Variants in MZF1 observed in about 807,000 individuals in gnomAD.
The protein encoded by MZF1 is zinc finger and SCAN domain-containing protein 6.
A neutral mutation model predicts 28.6 loss-of-function variants in MZF1; 24 were observed. The ratio of observed to expected loss-of-function variants is 0.84; its 90% CI spans 0.61 to 1.18. The LOEUF is 1.18. Ranked by LOEUF, MZF1 falls within the 50% of genes most tolerant of loss-of-function variation. The pLI is 0.00. For synonymous variants in MZF1, 516 were observed against 432.5 expected, an observed-to-expected ratio of 1.19 and a Z score of -2.40; for missense variants, 1,166 against 1,026.4, an observed-to-expected ratio of 1.14 and a Z score of -1.86.
rs762595599 is a variant in MZF1, at chr19:58,566,815, A to T, written c.772+2462T>A. Among the ~76,000 whole-genome samples the T allele has an allele frequency of 2.4e-4, 37 of 152,332 alleles. No homozygotes were observed. The Middle Eastern group carries it at 0.01, about 42-fold the overall frequency. On this transcript the variant is annotated intron_variant, in intron 5 of 5. Coordinates refer to ENST00000215057, the MANE Select transcript of MZF1 (RefSeq NM_198055.2). ...ACAGCAAAACCCTGTCCTTTAAATA[A>T]ATAAAGCAAGACTCCATTTCATAAA...
In MZF1 at chr19:58,571,366, GGAGCCCAGCACCGCAGGCCTCATA is replaced by G; in HGVS notation, c.-1_23del. On this transcript the variant is annotated start_lost and 5_prime_UTR_variant, in exon 2 of 6. Transcript: ENST00000215057. ...CATCTTCTGGGGGTGCTCGGTCTGG[GGAGCCCAGCACCGCAGGCCTCATA>G]GAGGGTACCAGGTCAGGTATCTGAG... 1 of 1,614,120 alleles carries G rather than the reference GGAGCCCAGCACCGCAGGCCTCATA, an allele frequency of 6.2e-7. No homozygotes were observed. The highest frequency in any genetic ancestry group is 8.5e-7 in the Non-Finnish European group (1 of 1,180,020).
Position 58,562,084 on chromosome 19 carries a change from G to C in MZF1, c.2193C>G (p.His731Gln). The C allele has an allele frequency of 3.8e-6, 6 of 1,563,586 alleles. No homozygotes were observed. The highest frequency in any genetic ancestry group is 5.2e-6 in the Non-Finnish European group (6 of 1,155,872). Reference sequence around the variant, plus strand: ...GTCCCGGCTGGAGCTACTCGGCGCTGTGGACGCGCTGGTGCTGAATGAGCT... The same window carrying C: ...GTCCCGGCTGGAGCTACTCGGCGCTCTGGACGCGCTGGTGCTGAATGAGCT... ...STKLIQHQRV[H>Q]SAE The change falls in exon 6 of 6, where the codon CAC (histidine) becomes CAG (glutamine). Residue 731 changes from histidine to glutamine, a missense_variant. By Grantham distance (24) the His-to-Gln change is conservative. Coordinates refer to ENST00000215057, the MANE Select transcript of MZF1 (RefSeq NM_198055.2).
chr19:58,563,006 C>G lies in MZF1; in HGVS notation c.1271G>C (p.Ser424Thr). ...TCTCCGATGCTCTTCCAGGCGCGCG[C>G]TGCGCACGAAGCCCTGGCCACAGTC... Reference protein sequence around the residue: ...CGDCGQGFVRSARLEEHRRVH... With the variant: ...CGDCGQGFVRTARLEEHRRVH... Residue 424 changes from serine (S) to threonine (T), a missense_variant, in exon 6 of 6, where the codon AGC becomes ACC. Coordinates refer to ENST00000215057, the MANE Select transcript of MZF1 (RefSeq NM_198055.2). 6.2e-7 allele frequency: 1 copy of G among 1,602,076 alleles called. No homozygotes were observed. Among genetic ancestry groups the G allele is most frequent in the Non-Finnish European group, 8.5e-7 (1 of 1,179,690 alleles).
intron 5 of MZF1, among the ~76,000 whole-genome samples, chr19:58,564,898 G>GTTTTTTTTTTTTTTTTTTTTTTTTT (rs1600099960): frequency 5.4e-5 from 5 of 91,900 alleles, no homozygotes; most frequent in African/African-American, 2.1e-4. Context: ...GCATCCATGT[G>GTTTTTTTTTTTTTTTTTTTTTTTTT]TGTGTTTTTT....
Position 58,571,414 on chromosome 19 carries a change from A to G in MZF1, c.-25T>C. The G allele has an allele frequency of 3.7e-6, 6 of 1,612,056 alleles. No individual in the cohort carries two copies. The highest frequency in any genetic ancestry group is 5.1e-6 in the Non-Finnish European group (6 of 1,179,080). ...TAGAGGGTACCAGGTCAGGTATCTG[A>G]GGCCAGTGTCTGCCCCTGGTGAAGA... is the stretch of plus-strand genomic sequence containing the variant. On this transcript the variant is annotated 5_prime_UTR_variant, in exon 2 of 6. Coordinates refer to ENST00000215057, the MANE Select transcript of MZF1 (RefSeq NM_198055.2).
rs115308072 is a variant in MZF1 at position 58,563,402 on chromosome 19, A to C, written c.875T>G (p.Ile292Ser). The C allele has an allele frequency of 1.4e-3, 2,274 of 1,598,054 alleles. 34 individuals carry two copies. The African/African-American group carries it at 0.027, about 19-fold the overall frequency. ...GCCACCTTCGCGGGAGGGTGATTGG[A>C]TCTGGCCAGAAAGGCCAGCCATGCC... is the stretch of plus-strand genomic sequence containing the variant. ...DLGMAGLSGQ[I>S]QSPSREGGFA... Residue 292 changes from isoleucine to serine, a missense_variant, in exon 6 of 6, where the codon ATC becomes AGC. Transcript: ENST00000215057.
In MZF1 at chr19:58,562,754, G is replaced by C. The variant is rs777948499; in HGVS notation, c.1523C>G (p.Thr508Arg). The change falls in exon 6 of 6, where the codon ACG becomes AGG. Residue 508 changes from threonine to arginine, a missense_variant. Coordinates refer to ENST00000215057, the MANE Select transcript of MZF1 (RefSeq NM_198055.2). ...GACGCAGCCAAAGGACTTGTCGCCC[G>C]TGTGTACCGCCTGGTGCTCCAGCAG... is the stretch of plus-strand genomic sequence containing the variant. ...AVLLEHQAVH[T>R]GDKSFGCVEC... 6.5e-7 allele frequency: 1 copy of C among 1,536,060 alleles called. No individual in the cohort carries two copies. The highest frequency in any genetic ancestry group is 8.7e-7 in the Non-Finnish European group (1 of 1,147,264).
In MZF1 at chr19:58,562,919, G is replaced by A; in HGVS notation, c.1358C>T (p.Ser453Phe). 6.3e-7 allele frequency: 1 copy of A among 1,592,726 alleles called. No individual in the cohort carries two copies. The highest frequency in any genetic ancestry group is 1.1e-5 in the South Asian group (1 of 90,144). Residue 453 changes from serine (S) to phenylalanine (F), a missense_variant, in exon 6 of 6, where the codon TCC (serine) becomes TTC (phenylalanine). Physicochemically the swap from Ser to Phe is radical, Grantham distance 155 (BLOSUM62 -2). Coordinates refer to ENST00000215057, the MANE Select transcript of MZF1 (RefSeq NM_198055.2). Reference protein sequence around the residue: ...AECGQSFRQRSNLLQHQRIHG... With the variant: ...AECGQSFRQRFNLLQHQRIHG... ...GATGCGCTGGTGCTGCAGCAGATTGGAGCGCTGCCGGAAGCTCTGGCCGCA... is the reference window on the plus strand; with the variant it reads ...GATGCGCTGGTGCTGCAGCAGATTGAAGCGCTGCCGGAAGCTCTGGCCGCA...
At position 58,563,257 on chromosome 19, in the gene MZF1, G is replaced by A. The variant is rs1390205712; in HGVS notation, c.1020C>T (p.Gly340=). Residue 340 remains glycine (G), a synonymous_variant, in exon 6 of 6, where the codon GGC becomes GGT. Coordinates refer to ENST00000215057, the MANE Select transcript of MZF1 (RefSeq NM_198055.2). Reference sequence around the variant, plus strand: ...CAGTGCTGGGGCGGCCCCGGCTCCGGCCCCTGGGGGAGCGCCAGCGGGTGG... The same window carrying A: ...CAGTGCTGGGGCGGCCCCGGCTCCGACCCCTGGGGGAGCGCCAGCGGGTGG... ...LITTRWRSPR[G]RSRGRPSTGG... 1 of 1,607,322 alleles carries A rather than the reference G, an allele frequency of 6.2e-7. No individual in the cohort carries two copies.
intron 5 of MZF1, among the ~76,000 whole-genome samples, chr19:58,566,396 G>A (rs1004153461): frequency 3.9e-5 from 6 of 151,950 alleles, no homozygotes; most frequent in Non-Finnish European, 7.4e-5. Context: ...GCAGTGAGCC[G>A]AGATCGCGCC....
At position 58,571,199 on chromosome 19, in the gene MZF1, TG is replaced by T. The variant is rs1272481405; in HGVS notation, c.190del (p.Gln64SerfsTer55). The T allele has an allele frequency of 9.9e-6, 16 of 1,613,104 alleles. No homozygotes were observed. Among genetic ancestry groups the T allele is most frequent in the Non-Finnish European group, 1.3e-5 (15 of 1,179,606 alleles). On this transcript the variant is annotated frameshift_variant, in exon 2 of 6. Transcript: ENST00000215057. LOFTEE classifies it high-confidence loss of function. Reference protein sequence around the residue: ...EATGPQEALAQLRELCRQWLR... With the variant: ...EATGPQEALAXLRELCRQWLR... ...CCACTGGCGACACAGCTCTCGGAGC[TG>T]GGCCAGGGCCTCTTGGGGCCCTGTG... is the stretch of plus-strand genomic sequence containing the variant.
chr19:58,568,429 G>A (rs1318110982), intron 5 of MZF1: 1 of 152,038 alleles, frequency 6.6e-6, no homozygotes, highest in Non-Finnish European at 1.5e-5. Flanking sequence ...CCAGAAACAG[G>A]GAGCAGAGCA....
Position 58,571,368 on chromosome 19 carries a change from A to C in MZF1, c.22T>G (p.Ser8Ala). 1 of 1,614,076 alleles carries C rather than the reference A, an allele frequency of 6.2e-7. No homozygotes were observed. MRPAVLGSPDRAPPEDEG... is the reference protein window; with the variant it reads MRPAVLGAPDRAPPEDEG... Reference sequence around the variant, plus strand: ...TCTTCTGGGGGTGCTCGGTCTGGGGAGCCCAGCACCGCAGGCCTCATAGAG... The same window carrying C: ...TCTTCTGGGGGTGCTCGGTCTGGGGCGCCCAGCACCGCAGGCCTCATAGAG... The change falls in exon 2 of 6, where the codon TCC becomes GCC. Residue 8 changes from serine (S) to alanine (A), a missense_variant. By Grantham distance (99) the Ser-to-Ala change is moderately conservative. Coordinates refer to ENST00000215057, the MANE Select transcript of MZF1 (RefSeq NM_198055.2).
rs1401224369 is a variant in MZF1, at chr19:58,562,120, G to T, written c.2157C>A (p.His719Gln). Residue 719 changes from histidine (H) to glutamine (Q), a missense_variant, in exon 6 of 6, where the codon CAC becomes CAA. His to Gln is a conservative substitution (Grantham distance 24). Coordinates refer to ENST00000215057, the MANE Select transcript of MZF1 (RefSeq NM_198055.2). ...GGTGCTGAATGAGCTTGGTGCTCTG[G>T]TGGAAGCGGCGGCCACAGTCCTGGC... ...FACQDCGRRF[H>Q]QSTKLIQHQR... 1 of 1,592,410 alleles carries T rather than the reference G, an allele frequency of 6.3e-7. No individual in the cohort carries two copies. Among genetic ancestry groups the T allele is most frequent in the Non-Finnish European group, 8.5e-7 (1 of 1,171,036 alleles).
chr19:58,562,879 C>G lies in MZF1; in HGVS notation c.1398G>C (p.Pro466=), dbSNP rs749292274. 1 of 1,560,482 alleles carries G rather than the reference C, an allele frequency of 6.4e-7. No homozygotes were observed. Among genetic ancestry groups the G allele is most frequent in the South Asian group, 1.2e-5 (1 of 86,702 alleles). Residue 466 remains proline, a synonymous_variant, in exon 6 of 6, where the codon CCG becomes CCC. Transcript: ENST00000215057. ...GGGCCGGGGGCTTAGCGCCAGGGCCCGGGGGATCGCCGTGGATGCGCTGGT... is the reference window on the plus strand; with the variant it reads ...GGGCCGGGGGCTTAGCGCCAGGGCCGGGGGGATCGCCGTGGATGCGCTGGT... ...LQHQRIHGDP[P]GPGAKPPAPP... is the part of the protein sequence containing the mutation.
chr19:58,572,488 C>T, intron 1 of MZF1: 1 of 1,204,206 alleles, frequency 8.3e-7, no homozygotes, highest in Non-Finnish European at 1.1e-6. Context: ...ACTCTGATTC[C>T]GCCCATCTTC....
rs1291417215 is a variant in MZF1, at chr19:58,565,634, G to C, written c.773-2130C>G. Among the ~76,000 whole-genome samples the C allele has an allele frequency of 2.0e-5, 3 of 152,050 alleles. No individual in the cohort carries two copies. In the East Asian group the frequency reaches 5.9e-4, roughly 30 times the overall value. On this transcript the variant is annotated intron_variant, in intron 5 of 5. Coordinates refer to ENST00000215057, the MANE Select transcript of MZF1 (RefSeq NM_198055.2). ...TGCAAGCTCCGCCTCCCGGGTTCACGCCATTCTCCTGCCTCAGCCACCCGA... is the reference window on the plus strand; with the variant it reads ...TGCAAGCTCCGCCTCCCGGGTTCACCCCATTCTCCTGCCTCAGCCACCCGA...
In MZF1 at chr19:58,562,122, G is replaced by A; in HGVS notation, c.2155C>T (p.His719Tyr). The change falls in exon 6 of 6, where the codon CAC (histidine) becomes TAC (tyrosine). Residue 719 changes from histidine to tyrosine, a missense_variant. By Grantham distance (83) the His-to-Tyr change is moderately conservative. Transcript: ENST00000215057. ...FACQDCGRRF[H>Y]QSTKLIQHQR... ...TGCTGAATGAGCTTGGTGCTCTGGTGGAAGCGGCGGCCACAGTCCTGGCAG... is the reference window on the plus strand; with the variant it reads ...TGCTGAATGAGCTTGGTGCTCTGGTAGAAGCGGCGGCCACAGTCCTGGCAG... The A allele has an allele frequency of 6.3e-7, 1 of 1,592,464 alleles. No individual in the cohort carries two copies. Among genetic ancestry groups the A allele is most frequent in the Non-Finnish European group, 8.5e-7 (1 of 1,171,246 alleles).
intron 5 of MZF1, among the ~76,000 whole-genome samples, chr19:58,565,564 G>A (rs2054033335): frequency 6.7e-6 from 1 of 150,236 alleles, no homozygotes; most frequent in Non-Finnish European, 1.5e-5. Context: ...ACGGAGTCTC[G>A]CTCTGTTGCC....
Sources: allele counts gnomAD v4.1 joint callset (sites outside exome capture counted in the v4.1 genomes callset), GRCh38; gene constraint gnomAD v4.1.1; transcripts MANE v1.5; gene names NCBI Gene and HGNC (gene_info 2026-07-23, HGNC 2026-07-21).